The following RAE1 variants were observed in gnomAD, a reference collection of about 807,000 sequenced individuals.
RAE1 encodes the protein ribonucleic acid export 1.
RAE1 carries 13 observed loss-of-function variants against 52.7 expected under a neutral mutation model. That is an observed-to-expected ratio of 0.25 (90% CI 0.16 to 0.39). RAE1 has a LOEUF of 0.39. Ranked by LOEUF, RAE1 falls within the 10% of genes least tolerant of loss-of-function variation. The pLI is 1.00. For synonymous variants in RAE1, 164 were observed against 153.1 expected (o/e 1.07, Z -0.52); for missense variants, 262 against 459.8 (o/e 0.57, Z 3.93).
intron 2 of RAE1, 87 bp downstream of exon 2, chr20:57,354,215 C>T: frequency 1.7e-6 from 2 of 1,165,184 alleles, no homozygotes; most frequent in South Asian, 2.7e-5. Flanking sequence ...GACTTGGGAG[C>T]CTCCTTTAGG....
intron 11 of RAE1, 183 bp downstream of exon 11, chr20:57,374,984 A>G (rs1357445125): frequency 1.3e-6 from 1 of 750,938 alleles, no homozygotes; most frequent in African/African-American, 1.7e-5. Flanking sequence ...GATTCAGTAC[A>G]GCCTTTGGCC....
At chr20:57,356,240 A>G (rs79600990) in intron 3 of RAE1, among the ~76,000 whole-genome samples, 2,399 of 152,326 alleles carry the variant, frequency 0.016, 18 homozygotes, top group Non-Finnish European at 0.024. Flanking sequence ...ATGTGTAAGC[A>G]ATAGAATTTG....
chr20:57,368,287 T>G (rs2066986646), intron 7 of RAE1, among the ~76,000 whole-genome samples: 1 of 152,130 alleles, frequency 6.6e-6, no homozygotes, highest in South Asian at 2.1e-4. Context: ...GAGGGGACGT[T>G]AGAAGCCACT....
chr20:57,365,657 G>A (rs981355859), intron 5 of RAE1, among the ~76,000 whole-genome samples: 6 of 152,138 alleles, frequency 3.9e-5, no homozygotes, highest in Admixed American at 2.0e-4. Context: ...GTCTTGTCAT[G>A]GATCTTCATA....
chr20:57,365,499 C>T, intron 5 of RAE1, 57 bp downstream of exon 5: 1 of 1,181,848 alleles, frequency 8.5e-7, no homozygotes, highest in Non-Finnish European at 1.2e-6. Context: ...ACTGTGATGG[C>T]TCTTTAAGTG....
At chr20:57,374,954 C>G in intron 11 of RAE1, 153 bp downstream of exon 11, 1 of 838,430 alleles carries the variant, frequency 1.2e-6, no homozygotes, top group Non-Finnish European at 2.0e-6. Flanking sequence ...AATTGCAGGA[C>G]TTCCTCAAAT....
intron 5 of RAE1, 75 bp downstream of exon 5, chr20:57,365,517 TATTATA>T (rs764304443): frequency 1.7e-4 from 170 of 1,010,762 alleles, no homozygotes; most frequent in Non-Finnish European, 2.1e-4. Flanking sequence ...GTGAAATAAT[TATTATA>T]ATTATAATAA....
chr20:57,357,318 A>G (rs1166434984), intron 4 of RAE1: 5 of 151,954 alleles, frequency 3.3e-5, no homozygotes, highest in Non-Finnish European at 5.9e-5. Context: ...TTTTGTCCCT[A>G]TAGTTTTGCT....
At chr20:57,374,963 A>G (rs1449859074) in intron 11 of RAE1, 162 bp downstream of exon 11, 3 of 804,422 alleles carry the variant, frequency 3.7e-6, no homozygotes, top group Admixed American at 2.0e-5. Flanking sequence ...ACTTCCTCAA[A>G]TGGTTGTGGG....
rs2066995557 is a variant in RAE1, at chr20:57,368,916, G to C, written c.642+104G>C. On this transcript the variant is annotated intron_variant, in intron 8 of 11. Transcript: ENST00000395841. ...TGTACTTTGTAAAACCTGTAAGTAT[G>C]TTCAAAGAGGGGTGAATTGAAGGAT... is the stretch of plus-strand genomic sequence containing the variant. The C allele has an allele frequency of 5.7e-6, 5 of 880,486 alleles. No individual in the cohort carries two copies. In the South Asian group the frequency reaches 7.8e-5, roughly 14 times the overall value. 54.5% of individuals were successfully genotyped at this position (880,486 alleles called of 1,614,324 possible).
At chr20:57,374,411 C>T (rs771656831) in intron 10 of RAE1, among the ~76,000 whole-genome samples, 196 bp from the exon 11 acceptor site, 1 of 152,194 alleles carries the variant, frequency 6.6e-6, no homozygotes, top group Non-Finnish European at 1.5e-5. Flanking sequence ...GCAGCCCTCA[C>T]AGGAGGCAAG....
chr20:57,363,611 G>A (rs918834237), intron 4 of RAE1, among the ~76,000 whole-genome samples: 2 of 152,204 alleles, frequency 1.3e-5, no homozygotes, highest in African/African-American at 2.4e-5. Flanking sequence ...GGAGAGTACA[G>A]TGAGCTATGA....
At chr20:57,354,422 G>T (rs957063938) in intron 2 of RAE1, among the ~76,000 whole-genome samples, 3 of 152,238 alleles carry the variant, frequency 2.0e-5, no homozygotes, top group African/African-American at 7.2e-5. Flanking sequence ...GGAGAGAGGG[G>T]ATGGCAGGTG....
At chr20:57,376,746 C>T (rs754444913) in intron 11 of RAE1, among the ~76,000 whole-genome samples, 12 of 152,222 alleles carry the variant, frequency 7.9e-5, no homozygotes, top group Non-Finnish European at 1.6e-4. Flanking sequence ...ACATCGGGCT[C>T]TTCATTGAAT....
chr20:57,365,507 G>A (rs1279504831), intron 5 of RAE1, 65 bp downstream of exon 5: 1 of 1,116,164 alleles, frequency 9.0e-7, no homozygotes, highest in Non-Finnish European at 1.3e-6. Flanking sequence ...GGCTCTTTAA[G>A]TGAAATAATT....
intron 2 of RAE1, 70 bp downstream of exon 2, chr20:57,354,198 C>G: frequency 7.3e-7 from 1 of 1,374,564 alleles, no homozygotes; most frequent in African/African-American, 1.4e-5. Context: ...AGGACAGAAC[C>G]CGAGATGACT....
intron 8 of RAE1, chr20:57,373,219 G>T: frequency 2.0e-6 from 1 of 499,938 alleles, no homozygotes; most frequent in Non-Finnish European, 3.6e-6. Flanking sequence ...CGTGAACGCG[G>T]CCTTGCAGGG....
chr20:57,354,837 T>C lies in RAE1; in HGVS notation c.195+21T>C, dbSNP rs193192343. 22 of 1,528,386 alleles carry C rather than the reference T, an allele frequency of 1.4e-5. No individual in the cohort carries two copies. In the Admixed American group the frequency reaches 3.7e-4, roughly 26 times the overall value. The allele number at this position is 1,528,386 out of a possible 1,614,324, so 94.7% of individuals were successfully genotyped here. A position where few individuals can be genotyped will look rare whatever the true frequency, so the allele number is the denominator to read the frequency against. ...ATGATGTAAGTGCTCCTTAAATACG[T>C]GTTCTAGAAATCATCTCTCTTTGTA... is the stretch of plus-strand genomic sequence containing the variant. On this transcript the variant is annotated intron_variant, in intron 3 of 11. Transcript: ENST00000395841.
At chr20:57,351,954 G>A (rs1029801184) in intron 1 of RAE1, 3 of 985,526 alleles carry the variant, frequency 3.0e-6, no homozygotes, top group Non-Finnish European at 3.6e-6. Flanking sequence ...CCCTGGGCCA[G>A]GCATTGTACT....
Sources: gnomAD v4.1 joint callset for allele counts (sites outside exome capture counted in the v4.1 genomes callset) on GRCh38, gnomAD v4.1.1 for gene constraint, MANE v1.5 for transcripts, NCBI Gene and HGNC (gene_info 2026-07-23, HGNC 2026-07-21) for gene names.